SLC22A15: variants seen among roughly 807,000 people sequenced by gnomAD.
SLC22A15 encodes the protein solute carrier family 22 member 15, also known as flipt 1.
Under a neutral mutation model 62.7 loss-of-function variants are expected in SLC22A15, and 45 were observed. That is an observed-to-expected ratio of 0.72 (90% CI 0.56 to 0.92). The LOEUF (loss-of-function observed/expected upper bound fraction) is 0.92, where lower values mean the gene tolerates loss of function less well. Ranked by LOEUF, SLC22A15 falls within the 40% of genes least tolerant of loss-of-function variation. The pLI, the probability that SLC22A15 is intolerant of heterozygous loss-of-function variation, is 0.00. For synonymous variants in SLC22A15, 264 were observed against 267.0 expected (o/e 0.99, Z 0.11); for missense variants, 622 against 665.6 (o/e 0.93, Z 0.72).
intron 8 of SLC22A15, among the ~76,000 whole-genome samples, chr1:116,054,648 A>C (rs1382875781): frequency 6.6e-6 from 1 of 152,216 alleles, no homozygotes; most frequent in Non-Finnish European, 1.5e-5. Context: ...TTGACCACAT[A>C]GTTGGAAATA....
intron 2 of SLC22A15, among the ~76,000 whole-genome samples, chr1:115,993,434 T>C (rs1458947385): frequency 6.7e-6 from 1 of 148,388 alleles, no homozygotes; most frequent in Non-Finnish European, 1.5e-5. Context: ...TGAGAGTGTG[T>C]GTGTGTGTGT....
At chr1:116,052,254 C>A (rs1414991516) in intron 8 of SLC22A15, among the ~76,000 whole-genome samples, 2 of 152,218 alleles carry the variant, frequency 1.3e-5, no homozygotes, top group African/African-American at 4.8e-5. Context: ...TATCCCGCAC[C>A]TGGCTCGGAG....
chr1:116,032,404 T>C lies in SLC22A15; in HGVS notation c.944+823T>C, dbSNP rs1313404663. The C allele has an allele frequency of 6.1e-6, 6 of 985,280 alleles. No individual in the cohort carries two copies. The African/African-American group carries it at 1.0e-4, about 17-fold the overall frequency. 61.0% of individuals were successfully genotyped at this position (985,280 alleles called of 1,614,324 possible). On this transcript the variant is annotated intron_variant, in intron 6 of 11. Coordinates refer to ENST00000369503, the MANE Select transcript of SLC22A15 (RefSeq NM_018420.3). ...TCATACCTACTAGCCTAAAGGACAGTTGTGCTGTGGCTTATATGTATTTGC... is the reference window on the plus strand; with the variant it reads ...TCATACCTACTAGCCTAAAGGACAGCTGTGCTGTGGCTTATATGTATTTGC...
rs529460823 is a variant in SLC22A15 at position 116,042,550 on chromosome 1, A to G, written c.1171+5162A>G. Among the ~76,000 whole-genome samples the G allele has an allele frequency of 2.6e-4, 40 of 152,312 alleles. No homozygotes were observed. In the South Asian group the frequency reaches 8.3e-3, roughly 32 times the overall value. The stretch of plus-strand genomic sequence containing the variant: ...GTAATATTAGTCTTAGAAGGAGGGG[A>G]TAAAGAAAAAGTATTTGCAGAAATG... On this transcript the variant is annotated intron_variant, in intron 8 of 11. Coordinates refer to ENST00000369503, the MANE Select transcript of SLC22A15 (RefSeq NM_018420.3).
intron 8 of SLC22A15, among the ~76,000 whole-genome samples, chr1:116,045,664 G>A (rs1047953490): frequency 8.6e-5 from 13 of 151,028 alleles, no homozygotes; most frequent in Non-Finnish European, 1.8e-4. Context: ...GCTTGAACCC[G>A]GGGGGTAGAG....
chr1:115,986,001 A>AT (rs1298487925), intron 1 of SLC22A15, among the ~76,000 whole-genome samples: 1 of 151,216 alleles, frequency 6.6e-6, no homozygotes, highest in Non-Finnish European at 1.5e-5. Flanking sequence ...TTTGTTCAGA[A>AT]TTTTTTTTAA....
intron 9 of SLC22A15, 148 bp from the exon 10 acceptor site, chr1:116,064,288 A>T (rs538207969): frequency 3.3e-4 from 201 of 613,318 alleles, no homozygotes; most frequent in Non-Finnish European, 5.2e-4. Flanking sequence ...TCTCAGGAAC[A>T]TCTAGTAGGC....
At chr1:116,019,515 T>C in intron 2 of SLC22A15, 67 bp from the exon 3 acceptor site, 5 of 1,479,072 alleles carry the variant, frequency 3.4e-6, no homozygotes, top group Non-Finnish European at 4.5e-6. Flanking sequence ...AAGTTTTTGT[T>C]GCACATTTGG....
At chr1:116,051,929 A>T (rs1658063986) in intron 8 of SLC22A15, among the ~76,000 whole-genome samples, 1 of 152,240 alleles carries the variant, frequency 6.6e-6, no homozygotes, top group South Asian at 2.1e-4. Context: ...AGGAGCCAAG[A>T]TGGCCGAATA....
rs889458590 is a variant in SLC22A15, at chr1:116,043,518, A to G, written c.1171+6130A>G. Among the ~76,000 whole-genome samples the G allele has an allele frequency of 1.5e-4, 23 of 152,192 alleles. No individual in the cohort carries two copies. The South Asian group carries it at 3.7e-3, about 25-fold the overall frequency. On this transcript the variant is annotated intron_variant, in intron 8 of 11. Coordinates refer to ENST00000369503, the MANE Select transcript of SLC22A15 (RefSeq NM_018420.3). ...TTATATAATTCTTTTAAGTATCAGA[A>G]AAAAAGAAAGTTTTCAAATTAATGA... is the stretch of plus-strand genomic sequence containing the variant.
In SLC22A15 at chr1:116,062,817, G is replaced by T. The variant is rs1281333406; in HGVS notation, c.1227G>T (p.Leu409=). Residue 409 remains leucine (L), a synonymous_variant, in exon 9 of 12, where the codon CTG becomes CTT. Transcript: ENST00000369503. ...ATTCCTTGTCCTTGCTGGGGAAGCT[G>T]ACCATCAGTGCTGCCTTTAACATTG... The part of the protein sequence containing the change: ...NSHSLSLLGK[L]TISAAFNIVY... 1 of 1,613,780 alleles carries T rather than the reference G, an allele frequency of 6.2e-7. No homozygotes were observed.
intron 8 of SLC22A15, among the ~76,000 whole-genome samples, chr1:116,040,143 T>C (rs1350680252): frequency 6.6e-6 from 1 of 152,214 alleles, no homozygotes. Context: ...ACTGTGACAA[T>C]GTATCTCTAG....
chr1:116,038,794 G>T (rs1657700261), intron 8 of SLC22A15, among the ~76,000 whole-genome samples: 1 of 151,754 alleles, frequency 6.6e-6, no homozygotes, highest in Admixed American at 6.6e-5. Context: ...TTTTTTTTAA[G>T]CTGCAATAAT....
intron 10 of SLC22A15, among the ~76,000 whole-genome samples, 153 bp from the exon 11 acceptor site, chr1:116,066,367 T>G (rs1285423029): frequency 6.6e-6 from 1 of 152,194 alleles, no homozygotes. Flanking sequence ...GGATAATTCT[T>G]TATGTGGAAA....
At chr1:116,061,726 T>C (rs1658384801) in intron 8 of SLC22A15, among the ~76,000 whole-genome samples, 1 of 151,754 alleles carries the variant, frequency 6.6e-6, no homozygotes, top group African/African-American at 2.4e-5. Context: ...CCAGAAAGTA[T>C]AATGTTAATA....
intron 8 of SLC22A15, among the ~76,000 whole-genome samples, chr1:116,051,067 A>G (rs1432340232): frequency 6.6e-6 from 1 of 152,230 alleles, no homozygotes; most frequent in Non-Finnish European, 1.5e-5. Context: ...GAAAGAAATC[A>G]TAGATTACAC....
intron 1 of SLC22A15, among the ~76,000 whole-genome samples, chr1:115,977,275 C>G (rs969734708): frequency 2.0e-5 from 3 of 152,172 alleles, no homozygotes; most frequent in African/African-American, 7.2e-5. Flanking sequence ...GGTTTAAGTT[C>G]TGCTGGCTCA....
chr1:116,042,938 A>C (rs146881006), intron 8 of SLC22A15, among the ~76,000 whole-genome samples: 113 of 152,338 alleles, frequency 7.4e-4, no homozygotes, highest in African/African-American at 2.6e-3. Context: ...AGTTTCAATA[A>C]GTTTAGAAGA....
intron 5 of SLC22A15, 117 bp from the exon 6 acceptor site, chr1:116,031,249 G>A: frequency 1.4e-6 from 1 of 731,984 alleles, no homozygotes; most frequent in South Asian, 1.8e-5. Context: ...CAAACTTTAA[G>A]TCTAACATGG....
Sources: gnomAD v4.1 joint callset for allele counts (sites outside exome capture counted in the v4.1 genomes callset) on GRCh38, gnomAD v4.1.1 for gene constraint, MANE v1.5 for transcripts, NCBI Gene and HGNC (gene_info 2026-07-23, HGNC 2026-07-21) for gene names.